SGCZ: variants seen among roughly 807,000 people sequenced by gnomAD.
SGCZ encodes sarcoglycan zeta, also known as zeta-sarcoglycan.
Under a neutral mutation model 41.3 loss-of-function variants are expected in SGCZ, and 40 were observed. The ratio of observed to expected loss-of-function variants is 0.97; its 90% confidence interval spans 0.75 to 1.26. SGCZ has a LOEUF of 1.26. SGCZ is among the 50% of genes most tolerant of loss of function. SGCZ has a pLI of 0.00. For synonymous variants in SGCZ, 206 were observed against 137.5 expected (o/e 1.50, Z -3.49); for missense variants, 552 against 369.8 (o/e 1.49, Z -4.04).
At chr8:14,784,771 G>A (rs1422261130) in intron 1 of SGCZ, among the ~76,000 whole-genome samples, 2 of 150,482 alleles carry the variant, frequency 1.3e-5, no homozygotes, top group South Asian at 2.1e-4. Context: ...GCATGGTGGC[G>A]TATGCCTGTA....
intron 2 of SGCZ, among the ~76,000 whole-genome samples, chr8:14,449,362 A>G (rs1342603428): frequency 6.6e-6 from 1 of 152,152 alleles, no homozygotes; most frequent in Admixed American, 6.6e-5. Context: ...GTGCAATACC[A>G]TGGCTGTGGC....
chr8:14,806,718 C>A (rs748706719), intron 1 of SGCZ, among the ~76,000 whole-genome samples: 1 of 152,188 alleles, frequency 6.6e-6, no homozygotes, highest in Non-Finnish European at 1.5e-5. Context: ...GGACTCCTCC[C>A]TAACTCATTT....
At chr8:14,467,264 AAAG>A (rs1801077044) in intron 2 of SGCZ, among the ~76,000 whole-genome samples, 1 of 151,992 alleles carries the variant, frequency 6.6e-6, no homozygotes, top group South Asian at 2.1e-4. Context: ...AAGTTTAAAA[AAAG>A]AGAAAAATAA....
intron 3 of SGCZ, among the ~76,000 whole-genome samples, chr8:14,312,370 G>A (rs1287567576): frequency 6.6e-6 from 1 of 152,150 alleles, no homozygotes; most frequent in Non-Finnish European, 1.5e-5. Flanking sequence ...GTGACTTAGA[G>A]GATTCTATAT....
intron 1 of SGCZ, among the ~76,000 whole-genome samples, chr8:14,557,328 G>C (rs1262321401): frequency 1.3e-5 from 2 of 151,584 alleles, no homozygotes; most frequent in East Asian, 2.0e-4. Flanking sequence ...TTGGATAGTA[G>C]TCTTTTGTTG....
intron 1 of SGCZ, among the ~76,000 whole-genome samples, chr8:14,926,933 C>G (rs1407226320): frequency 6.6e-6 from 1 of 152,186 alleles, no homozygotes; most frequent in South Asian, 2.1e-4. Flanking sequence ...GTCACCACAC[C>G]TGGCCGACAC....
intron 2 of SGCZ, among the ~76,000 whole-genome samples, chr8:14,397,807 A>G (rs1798962091): frequency 6.6e-6 from 1 of 152,114 alleles, no homozygotes; most frequent in Admixed American, 6.6e-5. Flanking sequence ...TTTAGGGTAC[A>G]TCGAAGGTCT....
At chr8:14,975,388 G>C (rs769525135) in intron 1 of SGCZ, among the ~76,000 whole-genome samples, 1 of 152,126 alleles carries the variant, frequency 6.6e-6, no homozygotes, top group Non-Finnish European at 1.5e-5. Flanking sequence ...AGCACAATGA[G>C]AAGAAAATCC....
intron 1 of SGCZ, among the ~76,000 whole-genome samples, chr8:15,108,904 G>T (rs528758269): frequency 2.8e-4 from 42 of 151,104 alleles, no homozygotes; most frequent in African/African-American, 8.9e-4. Context: ...ACAGATACAG[G>T]TTATCCTCAG....
chr8:15,184,842 C>G (rs1409121884), intron 1 of SGCZ, among the ~76,000 whole-genome samples: 1 of 152,110 alleles, frequency 6.6e-6, no homozygotes, highest in Non-Finnish European at 1.5e-5. Context: ...TCTCTGTATG[C>G]CTCAACAAAC....
chr8:15,010,880 T>C (rs1332819382), intron 1 of SGCZ, among the ~76,000 whole-genome samples: 1 of 152,206 alleles, frequency 6.6e-6, no homozygotes, highest in Non-Finnish European at 1.5e-5. Context: ...GCACAGATGC[T>C]GCTCCCTATA....
chr8:15,123,955 G>C (rs574280462), intron 1 of SGCZ, among the ~76,000 whole-genome samples: 1 of 152,330 alleles, frequency 6.6e-6, no homozygotes, highest in African/African-American at 2.4e-5. Flanking sequence ...GGTTGGGCAA[G>C]AGGAAGAAAG....
At chr8:14,411,967 A>G (rs1401349068) in intron 2 of SGCZ, among the ~76,000 whole-genome samples, 5 of 152,112 alleles carry the variant, frequency 3.3e-5, no homozygotes, top group Admixed American at 3.3e-4. Flanking sequence ...TGGGAAGAGT[A>G]TACTGAGTAA....
In SGCZ at chr8:14,284,947, C is replaced by T. The variant is rs1800572680; in HGVS notation, c.336+39156G>A. On this transcript the variant is annotated intron_variant, in intron 3 of 7. Transcript: ENST00000382080. ...TTTGTATGTCTAGCATTATTTAATTCTATGTTGGGCATTTTCTATAAAAGT... is the reference window on the plus strand; with the variant it reads ...TTTGTATGTCTAGCATTATTTAATTTTATGTTGGGCATTTTCTATAAAAGT... 3.3e-5 allele frequency among the ~76,000 whole-genome samples: 5 copies of T among 152,050 alleles called. No individual in the cohort carries two copies. In the South Asian group the frequency reaches 1.0e-3, roughly 31 times the overall value.
chr8:15,209,673 G>A (rs139608898), intron 1 of SGCZ, among the ~76,000 whole-genome samples: 1 of 152,024 alleles, frequency 6.6e-6, no homozygotes, highest in Non-Finnish European at 1.5e-5. Context: ...ACACCACATA[G>A]ATATCAACAG....
intron 3 of SGCZ, among the ~76,000 whole-genome samples, chr8:14,288,877 T>C (rs748008702): frequency 5.9e-5 from 9 of 152,178 alleles, no homozygotes; most frequent in Non-Finnish European, 2.9e-5. Context: ...GGGGCTGTCC[T>C]ATTTTACATT....
At chr8:15,178,894 T>C (rs990020594) in intron 1 of SGCZ, among the ~76,000 whole-genome samples, 3 of 152,208 alleles carry the variant, frequency 2.0e-5, no homozygotes, top group African/African-American at 7.2e-5. Context: ...ATGCTACTTA[T>C]TTTCAATCAA....
chr8:14,470,353 G>A (rs1459782815), intron 2 of SGCZ, among the ~76,000 whole-genome samples: 1 of 151,982 alleles, frequency 6.6e-6, no homozygotes, highest in Non-Finnish European at 1.5e-5. Context: ...GCACATAGTA[G>A]CACTTAATAC....
intron 1 of SGCZ, among the ~76,000 whole-genome samples, chr8:15,230,530 G>A (rs1438989158): frequency 6.6e-6 from 1 of 152,132 alleles, no homozygotes; most frequent in East Asian, 1.9e-4. Flanking sequence ...TTCAAATGAA[G>A]AATTATTTGC....
Sources: allele counts gnomAD v4.1 joint callset (sites outside exome capture counted in the v4.1 genomes callset), GRCh38; gene constraint gnomAD v4.1.1; transcripts MANE v1.5; gene names NCBI Gene and HGNC (gene_info 2026-07-23, HGNC 2026-07-21).